RORA: variants seen among roughly 807,000 people sequenced by gnomAD.
The protein encoded by RORA is nuclear receptor ROR-alpha.
RORA carries 7 observed loss-of-function variants against 69.5 expected under a neutral mutation model. That is an observed-to-expected ratio of 0.10 (90% CI 0.06 to 0.19). The LOEUF is 0.19. Ranked by LOEUF, RORA falls within the 10% of genes least tolerant of loss-of-function variation. The probability of loss-of-function intolerance (pLI) is 1.00; values close to 1 mark genes in which losing one functional copy is unlikely to be tolerated. For missense variants in RORA, 457 were observed against 663.0 expected (o/e 0.69, Z 3.41); for synonymous variants, 261 against 240.8 (o/e 1.08, Z -0.78).
intron 1 of RORA, among the ~76,000 whole-genome samples, chr15:60,961,982 G>A (rs910133822): frequency 2.0e-5 from 3 of 152,228 alleles, no homozygotes; most frequent in Non-Finnish European, 2.9e-5. Flanking sequence ...CAGTGCATGA[G>A]CTGCAGATGG....
At chr15:61,073,658 AAAGT>A (rs1427766180) in intron 1 of RORA, among the ~76,000 whole-genome samples, 1 of 152,248 alleles carries the variant, frequency 6.6e-6, no homozygotes, top group African/African-American at 2.4e-5. Flanking sequence ...TACCCGACTT[AAAGT>A]AAGGTAACCA....
intron 2 of RORA, among the ~76,000 whole-genome samples, chr15:60,602,068 G>A (rs1345131763): frequency 2.6e-5 from 4 of 152,130 alleles, no homozygotes; most frequent in Non-Finnish European, 5.9e-5. Context: ...TATTTCAAAG[G>A]TTAGGTACAT....
rs913172010 is a variant in RORA, at chr15:60,627,665, T to G, written c.196+50992A>C. On this transcript the variant is annotated intron_variant, in intron 2 of 10. Coordinates refer to ENST00000335670, the MANE Select transcript of RORA (RefSeq NM_134261.3). The stretch of plus-strand genomic sequence containing the variant: ...TCCCTTTTTTCAATACCAAATAGTT[T>G]GAAAAAATTCCAGGCTTTGTCAAAT... 3.4e-5 allele frequency: 13 copies of G among 385,950 alleles called. No homozygotes were observed. The South Asian group carries it at 4.3e-4, about 13-fold the overall frequency. 23.9% of individuals were successfully genotyped at this position (385,950 alleles called of 1,614,324 possible).
At chr15:60,541,804 G>A (rs1299630865) in intron 2 of RORA, among the ~76,000 whole-genome samples, 1 of 152,106 alleles carries the variant, frequency 6.6e-6, no homozygotes, top group Non-Finnish European at 1.5e-5. Flanking sequence ...TTATCTTGAA[G>A]CCACTTATTT....
chr15:61,142,952 G>T (rs997680657), intron 1 of RORA, among the ~76,000 whole-genome samples: 1 of 152,108 alleles, frequency 6.6e-6, no homozygotes, highest in African/African-American at 2.4e-5. Context: ...ATTAAGACAA[G>T]AATGGTCATT....
intron 2 of RORA, among the ~76,000 whole-genome samples, chr15:60,636,127 C>T (rs1310609920): frequency 6.6e-6 from 1 of 152,180 alleles, no homozygotes; most frequent in Non-Finnish European, 1.5e-5. Flanking sequence ...AACCTTAGTT[C>T]TACAAGAATG....
intron 2 of RORA, among the ~76,000 whole-genome samples, chr15:60,613,696 C>CTGTGTGTGTGTGTG (rs66616801): frequency 1.6e-5 from 2 of 125,324 alleles, no homozygotes; most frequent in South Asian, 2.8e-4. Flanking sequence ...AATTTGATAT[C>CTGTGTGTGTGTGTG]TGTGTGTGTG....
intron 1 of RORA, among the ~76,000 whole-genome samples, chr15:60,863,309 C>T (rs570836053): frequency 3.1e-4 from 47 of 152,172 alleles, no homozygotes; most frequent in Non-Finnish European, 5.3e-4. Flanking sequence ...TCTAACACTA[C>T]AATGTACACC....
intron 2 of RORA, chr15:60,598,572 C>G (rs2068747927): frequency 6.6e-6 from 1 of 152,138 alleles, no homozygotes; most frequent in Admixed American, 6.5e-5. Flanking sequence ...TTCTACGTTA[C>G]TTTATTGTAA....
chr15:60,801,958 A>G (rs922485993), intron 1 of RORA, among the ~76,000 whole-genome samples: 8 of 152,236 alleles, frequency 5.3e-5, no homozygotes, highest in African/African-American at 1.7e-4. Context: ...TAGGTAGGAA[A>G]TGAATTACTG....
At chr15:60,892,041 G>A (rs542994436) in intron 1 of RORA, among the ~76,000 whole-genome samples, 3 of 152,194 alleles carry the variant, frequency 2.0e-5, no homozygotes, top group Non-Finnish European at 4.4e-5. Flanking sequence ...TGGGGCAGGC[G>A]CTGTGTTGAG....
intron 1 of RORA, among the ~76,000 whole-genome samples, chr15:61,020,026 G>C (rs1267168450): frequency 1.3e-5 from 2 of 152,106 alleles, no homozygotes; most frequent in East Asian, 1.9e-4. Context: ...TCTCTCAGAG[G>C]CTCCAGATTC....
At chr15:61,020,343 C>A (rs772013360) in intron 1 of RORA, among the ~76,000 whole-genome samples, 24 of 152,164 alleles carry the variant, frequency 1.6e-4, no homozygotes, top group Non-Finnish European at 3.2e-4. Context: ...ACTCTCTTTG[C>A]CCCAGAAGTA....
At chr15:60,515,542 T>C (rs943472493) in intron 3 of RORA, among the ~76,000 whole-genome samples, 1 of 152,190 alleles carries the variant, frequency 6.6e-6, no homozygotes, top group Non-Finnish European at 1.5e-5. Flanking sequence ...CTTCCTGAGC[T>C]GTATTCTTAG....
Position 60,542,559 on chromosome 15 carries a change from TCACA to T in RORA, c.197-10712_197-10709del, listed in dbSNP as rs1280825141. 7.0e-4 allele frequency among the ~76,000 whole-genome samples: 66 copies of T among 93,726 alleles called. 1 individual carries two copies. The highest frequency in any genetic ancestry group is 2.5e-3 in the Admixed American group (23 of 9,298). The allele number at this position is 93,726 out of a possible 152,430, so 61.5% of individuals were successfully genotyped here. On this transcript the variant is annotated intron_variant, in intron 2 of 10. Coordinates refer to ENST00000335670, the MANE Select transcript of RORA (RefSeq NM_134261.3). ...CACACAGATGGCACACATGCACACC[TCACA>T]CACACGGCACGCATGCACACCTCAC...
At chr15:60,585,030 AC>A (rs1224636068) in intron 2 of RORA, among the ~76,000 whole-genome samples, 1 of 152,132 alleles carries the variant, frequency 6.6e-6, no homozygotes, top group Non-Finnish European at 1.5e-5. Context: ...ATTATCCTTT[AC>A]AAGCCTGGTG....
At chr15:60,965,548 CAGA>C (rs1177764147) in intron 1 of RORA, among the ~76,000 whole-genome samples, 1 of 152,144 alleles carries the variant, frequency 6.6e-6, no homozygotes, top group Non-Finnish European at 1.5e-5. Context: ...TATATCTGAG[CAGA>C]AGAAGAAACT....
intron 1 of RORA, among the ~76,000 whole-genome samples, chr15:60,821,836 G>C (rs2072897295): frequency 6.6e-6 from 1 of 152,230 alleles, no homozygotes. Flanking sequence ...GAATAAGTGA[G>C]AGCAATGAGG....
intron 2 of RORA, among the ~76,000 whole-genome samples, chr15:60,597,027 C>T (rs2068681433): frequency 6.6e-6 from 1 of 152,178 alleles, no homozygotes; most frequent in Non-Finnish European, 1.5e-5. Context: ...CTGACCTGTG[C>T]TCTGAAAACT....
Sources: gnomAD v4.1 joint callset for allele counts (sites outside exome capture counted in the v4.1 genomes callset) on GRCh38, gnomAD v4.1.1 for gene constraint, MANE v1.5 for transcripts, NCBI Gene and HGNC (gene_info 2026-07-23, HGNC 2026-07-21) for gene names.